EPB41: variants seen among roughly 807,000 people sequenced by gnomAD.
EPB41 encodes the protein erythrocyte membrane protein band 4.1, also known as protein 4.1.
In EPB41, 65 loss-of-function variants were observed where a neutral mutation model predicts 108.0. The observed-to-expected ratio is 0.60, with a 90% CI of 0.49 to 0.74. EPB41 has a LOEUF of 0.74. EPB41 is among the 30% of genes least tolerant of loss of function. EPB41 has a pLI of 0.00. For missense variants in EPB41, 875 were observed against 1,037.0 expected, an observed-to-expected ratio of 0.84 and a Z score of 2.15; for synonymous variants, 336 against 358.9, an observed-to-expected ratio of 0.94 and a Z score of 0.72.
intron 1 of EPB41, among the ~76,000 whole-genome samples, chr1:28,969,312 T>C (rs929009254): frequency 6.6e-6 from 1 of 151,950 alleles, no homozygotes; most frequent in African/African-American, 2.4e-5. Context: ...CTCGAACTCC[T>C]GACCTCAAGT....
At chr1:29,071,511 C>A (rs1474224557) in intron 16 of EPB41, 2 of 152,184 alleles carry the variant, frequency 1.3e-5, no homozygotes, top group African/African-American at 4.8e-5. Context: ...CATTGCTAAG[C>A]TTAAAATATA....
At chr1:28,917,661 G>A (rs533039222) in intron 1 of EPB41, among the ~76,000 whole-genome samples, 51 of 151,946 alleles carry the variant, frequency 3.4e-4, no homozygotes, top group Non-Finnish European at 6.0e-4. Context: ...GCTCACTGCC[G>A]CCTTGAACTC....
At chr1:28,896,917 T>C in intron 1 of EPB41, among the ~76,000 whole-genome samples, 1 of 151,958 alleles carries the variant, frequency 6.6e-6, no homozygotes, top group East Asian at 1.9e-4. Flanking sequence ...CAGAGGGAGA[T>C]CTTGGGGCCT....
chr1:29,044,935 A>T (rs934169293), intron 11 of EPB41, among the ~76,000 whole-genome samples: 10 of 152,316 alleles, frequency 6.6e-5, no homozygotes, highest in African/African-American at 2.4e-4. Flanking sequence ...GTGACCATAA[A>T]TTTGGGAGTT....
intron 11 of EPB41, among the ~76,000 whole-genome samples, chr1:29,042,626 G>A (rs549250238): frequency 5.3e-5 from 8 of 152,158 alleles, no homozygotes; most frequent in Admixed American, 2.6e-4. Flanking sequence ...TTACAGGCAT[G>A]TGCCACCATA....
chr1:28,925,863 G>A (rs1413720878), intron 1 of EPB41, among the ~76,000 whole-genome samples: 1 of 152,094 alleles, frequency 6.6e-6, no homozygotes, highest in Non-Finnish European at 1.5e-5. Flanking sequence ...TTGAGCAGAG[G>A]AATGGCACGA....
intron 1 of EPB41, among the ~76,000 whole-genome samples, chr1:28,983,171 G>A (rs1459926891): frequency 6.6e-6 from 1 of 152,200 alleles, no homozygotes; most frequent in Non-Finnish European, 1.5e-5. Flanking sequence ...AGATTACAAA[G>A]TCTGATTAAG....
chr1:28,962,921 G>GTAA (rs1228684984), intron 1 of EPB41, among the ~76,000 whole-genome samples: 1 of 152,018 alleles, frequency 6.6e-6, no homozygotes, highest in African/African-American at 2.4e-5. Flanking sequence ...ATGAGTGTTT[G>GTAA]TAATAATAAT....
At chr1:29,037,238 C>T (rs116232555) in intron 10 of EPB41, among the ~76,000 whole-genome samples, 2,857 of 151,976 alleles carry the variant, frequency 0.019, 83 homozygotes, top group African/African-American at 0.062. Context: ...CCCAACATCA[C>T]GCCTGGCTAT....
At chr1:29,021,644 G>T (rs1162471745) in intron 7 of EPB41, among the ~76,000 whole-genome samples, 5 of 151,410 alleles carry the variant, frequency 3.3e-5, no homozygotes, top group Admixed American at 2.0e-4. Flanking sequence ...GTGCAGTGGG[G>T]TGATCTCCGC....
At chr1:28,953,509 A>G (rs1443213334) in intron 1 of EPB41, among the ~76,000 whole-genome samples, 2 of 152,144 alleles carry the variant, frequency 1.3e-5, no homozygotes, top group Admixed American at 1.3e-4. Context: ...ATCTGGACAC[A>G]TTTGTGTTTA....
At position 29,018,030 on chromosome 1, in the gene EPB41, G is replaced by A. The variant is rs1341275614; in HGVS notation, c.906-194G>A. On this transcript the variant is annotated intron_variant, in intron 6 of 20. Coordinates refer to ENST00000343067, the MANE Select transcript of EPB41 (RefSeq NM_001376013.1). The surrounding 1 kb of genome is among the most constrained non-coding windows in gnomAD (Gnocchi z 4.4). ...TTCAAACACACAGAGAGAAATAATA[G>A]CGCAATGAACTACCATATACCAACT... 1.3e-5 allele frequency among the ~76,000 whole-genome samples: 2 copies of A among 151,718 alleles called. No individual in the cohort carries two copies. Among genetic ancestry groups the A allele is most frequent in the Non-Finnish European group, 2.9e-5 (2 of 67,962 alleles).
intron 16 of EPB41, chr1:29,070,308 A>T (rs566627641): frequency 1.7e-6 from 2 of 1,178,730 alleles, no homozygotes; most frequent in South Asian, 8.8e-5. Context: ...AGCATTTTCC[A>T]TCTGTCATTT....
At chr1:28,947,887 T>G (rs892703161) in intron 1 of EPB41, among the ~76,000 whole-genome samples, 5 of 152,216 alleles carry the variant, frequency 3.3e-5, no homozygotes, top group Non-Finnish European at 7.3e-5. Context: ...TATAGGAATT[T>G]TATATTAGTT....
At chr1:29,056,252 A>C (rs1016716570) in intron 12 of EPB41, among the ~76,000 whole-genome samples, 2 of 151,788 alleles carry the variant, frequency 1.3e-5, no homozygotes, top group African/African-American at 4.8e-5. Context: ...AAAAAACAAA[A>C]AACAACAAAA....
Position 29,014,763 on chromosome 1 carries a change from G to A in EPB41, c.830-929G>A, listed in dbSNP as rs369486641. ...TGTATATAGACACACACACGTGAAC[G>A]TGTGTTTTAATATAAATATGCAACC... On this transcript the variant is annotated intron_variant, in intron 5 of 20. Coordinates refer to ENST00000343067, the MANE Select transcript of EPB41 (RefSeq NM_001376013.1). Among the ~76,000 whole-genome samples the A allele has an allele frequency of 5.7e-4, 87 of 152,296 alleles. 1 individual carries two copies. The South Asian group carries it at 0.017, about 30-fold the overall frequency.
intron 1 of EPB41, among the ~76,000 whole-genome samples, chr1:28,949,250 C>T (rs1037452468): frequency 6.6e-6 from 1 of 152,128 alleles, no homozygotes; most frequent in East Asian, 1.9e-4. Context: ...TTGGGACCAG[C>T]TTGGGCAATA....
At chr1:28,974,621 G>C (rs905881640) in intron 1 of EPB41, among the ~76,000 whole-genome samples, 1 of 152,134 alleles carries the variant, frequency 6.6e-6, no homozygotes, top group African/African-American at 2.4e-5. Context: ...AAGGGAAATG[G>C]AGAAGGCTAA....
rs2096465696 is a variant in EPB41, at chr1:29,009,594, A to T, written c.787-2271A>T. ...AAAAGTGGTAGTAGTTCTGGATTGCATGGTATAAACCAAGGTTCTCAGAGG... is the reference window on the plus strand; with the variant it reads ...AAAAGTGGTAGTAGTTCTGGATTGCTTGGTATAAACCAAGGTTCTCAGAGG... On this transcript the variant is annotated intron_variant, in intron 4 of 20. Transcript: ENST00000343067. 2.6e-5 allele frequency among the ~76,000 whole-genome samples: 4 copies of T among 152,306 alleles called. No individual in the cohort carries two copies. The South Asian group carries it at 8.3e-4, about 32-fold the overall frequency.
Sources: gnomAD v4.1 joint callset for allele counts (sites outside exome capture counted in the v4.1 genomes callset) on GRCh38, gnomAD v4.1.1 for gene constraint, Gnocchi (gnomAD v3.1) non-coding constraint, MANE v1.5 for transcripts, NCBI Gene and HGNC (gene_info 2026-07-23, HGNC 2026-07-21) for gene names.